GRIA3: variants seen among roughly 807,000 people sequenced by gnomAD.
The protein encoded by GRIA3 is glutamate ionotropic receptor AMPA type subunit 3, also known as glutamate receptor 3.
In GRIA3, 3 loss-of-function variants were observed where a neutral mutation model predicts 63.0. The observed-to-expected ratio is 0.05, with a 90% CI of 0.02 to 0.12. GRIA3 has a LOEUF of 0.12. Among genes scored for constraint, GRIA3 ranks in the 10% least tolerant of loss-of-function variants. The pLI, the probability that GRIA3 is intolerant of heterozygous loss-of-function variation, is 1.00. For synonymous variants in GRIA3, 274 were observed against 257.9 expected (o/e 1.06, Z -0.60); for missense variants, 347 against 700.9 (o/e 0.50, Z 5.70).
intron 5 of GRIA3, among the ~76,000 whole-genome samples, chrX:123,356,522 GA>G (rs915108021): frequency 9.0e-6 from 1 of 111,462 alleles, no homozygotes; most frequent in Non-Finnish European, 1.9e-5. Flanking sequence ...CTATGTATTA[GA>G]AAAATATAAA....
intron 3 of GRIA3, among the ~76,000 whole-genome samples, chrX:123,316,488 A>T (rs765169800): frequency 1.8e-5 from 2 of 112,171 alleles, no homozygotes; most frequent in Non-Finnish European, 3.8e-5. Context: ...ATGTATCAAG[A>T]GCCTTAAACA....
chrX:123,302,689 G>GTC (rs1569416685), intron 3 of GRIA3, among the ~76,000 whole-genome samples: 2 of 111,234 alleles, frequency 1.8e-5, no homozygotes, highest in Admixed American at 9.6e-5. Context: ...TTACTCTATC[G>GTC]TCTACACAGA....
At chrX:123,261,100 CACTT>C (rs889559016) in intron 3 of GRIA3, among the ~76,000 whole-genome samples, 4 of 111,778 alleles carry the variant, frequency 3.6e-5, no homozygotes, top group Non-Finnish European at 5.6e-5. Flanking sequence ...ATCATTTAAA[CACTT>C]ACTCTCCACA....
intron 3 of GRIA3, among the ~76,000 whole-genome samples, chrX:123,316,853 ATACTTTTAC>A (rs1257029795): frequency 8.9e-6 from 1 of 112,227 alleles, no homozygotes; most frequent in Non-Finnish European, 1.9e-5. Context: ...TTATAATACT[ATACTTTTAC>A]TGTGTCTTTT....
At chrX:123,350,382 G>A (rs1291836840) in intron 4 of GRIA3, among the ~76,000 whole-genome samples, 1 of 110,574 alleles carries the variant, frequency 9.0e-6, no homozygotes, top group Non-Finnish European at 1.9e-5. Context: ...TGGATCTAAG[G>A]GGGAAAAAAA....
At chrX:123,378,353 T>C (rs1249008329) in intron 5 of GRIA3, among the ~76,000 whole-genome samples, 1 of 110,964 alleles carries the variant, frequency 9.0e-6, no homozygotes, top group East Asian at 2.8e-4. Flanking sequence ...TATTCATTTT[T>C]GTAGTGCTAG....
intron 2 of GRIA3, among the ~76,000 whole-genome samples, chrX:123,232,903 A>C (rs940827239): frequency 2.7e-5 from 3 of 111,011 alleles, no homozygotes; most frequent in Non-Finnish European, 5.7e-5. Context: ...GAGCCTTTGA[A>C]AAATTAAACA....
At chrX:123,308,822 G>A (rs945696472) in intron 3 of GRIA3, among the ~76,000 whole-genome samples, 2 of 112,310 alleles carry the variant, frequency 1.8e-5, no homozygotes, top group African/African-American at 6.5e-5. Context: ...TTGAGACAAC[G>A]GAAGCAGCTA....
chrX:123,413,149 G>A (rs887297050), intron 10 of GRIA3, among the ~76,000 whole-genome samples: 2 of 111,362 alleles, frequency 1.8e-5, no homozygotes, highest in Middle Eastern at 4.6e-3. Context: ...TGCTTACCAT[G>A]TAGTAGGTGT....
intron 3 of GRIA3, among the ~76,000 whole-genome samples, chrX:123,309,161 G>A (rs1267456773): frequency 9.0e-6 from 1 of 111,507 alleles, no homozygotes; most frequent in Non-Finnish European, 1.9e-5. Context: ...GAGGCAGGTG[G>A]ATCACTTGAG....
intron 3 of GRIA3, among the ~76,000 whole-genome samples, chrX:123,310,773 C>T (rs938700502): frequency 1.8e-5 from 2 of 112,132 alleles, no homozygotes; most frequent in Non-Finnish European, 3.8e-5. Context: ...GAGGCCAAGG[C>T]GGGCGGATCA....
Position 123,428,089 on chromosome X carries a change from GA to G in GRIA3, c.2029del (p.Ile677LeufsTer30). On this transcript the variant is annotated frameshift_variant, in exon 12 of 16. Coordinates refer to ENST00000620443, the MANE Select transcript of GRIA3 (RefSeq NM_007325.5). LOFTEE classifies it high-confidence loss of function. The stretch of plus-strand genomic sequence containing the variant: ...TGCTGAAGACTTAGCTAAACAGACT[GA>G]AATTGCATATGGGACCCTGGACTCC... ...ESAEDLAKQTEIAYGTLDSGS... is the reference protein window; with the variant it reads ...ESAEDLAKQTXIAYGTLDSGS... 8.3e-7 allele frequency: 1 copy of G among 1,206,218 alleles called. No individual in the cohort carries two copies. The highest frequency in any genetic ancestry group is 1.8e-5 in the South Asian group (1 of 56,845).
At chrX:123,238,744 C>CTT (rs77919081) in intron 2 of GRIA3, among the ~76,000 whole-genome samples, 1 of 108,436 alleles carries the variant, frequency 9.2e-6, no homozygotes, top group Non-Finnish European at 1.9e-5. Flanking sequence ...TTCCTTTATT[C>CTT]TTTTTTTTTC....
intron 15 of GRIA3, among the ~76,000 whole-genome samples, chrX:123,488,200 C>G (rs765847995): frequency 7.4e-4 from 83 of 112,478 alleles, no homozygotes; most frequent in African/African-American, 2.6e-3. Flanking sequence ...AATCTGCTGT[C>G]TCTTTAAAGT....
intron 10 of GRIA3, among the ~76,000 whole-genome samples, chrX:123,407,696 G>GAGA (rs1556314624): frequency 1.1e-5 from 1 of 87,630 alleles, no homozygotes; most frequent in African/African-American, 4.2e-5. Flanking sequence ...GGTTGCGGGG[G>GAGA]GGGGGGGGAC....
intron 12 of GRIA3, among the ~76,000 whole-genome samples, chrX:123,452,692 T>C (rs1276412224): frequency 8.9e-6 from 1 of 112,036 alleles, no homozygotes; most frequent in Non-Finnish European, 1.9e-5. Flanking sequence ...TTTAATCCAA[T>C]TGGTCAATGG....
intron 5 of GRIA3, among the ~76,000 whole-genome samples, chrX:123,365,248 T>C (rs1211253911): frequency 1.8e-5 from 2 of 111,230 alleles, no homozygotes; most frequent in East Asian, 5.6e-4. Context: ...TCAATCACAA[T>C]AATATTAATA....
intron 12 of GRIA3, among the ~76,000 whole-genome samples, chrX:123,453,286 A>C (rs780940188): frequency 1.9e-4 from 21 of 111,050 alleles, no homozygotes; most frequent in African/African-American, 4.9e-4. Flanking sequence ...CAAACTATCA[A>C]AAGGACAGAA....
chrX:123,264,763 G>C (rs2044478459), intron 3 of GRIA3, among the ~76,000 whole-genome samples: 1 of 112,139 alleles, frequency 8.9e-6, no homozygotes, highest in Non-Finnish European at 1.9e-5. Flanking sequence ...CCAAGGTTGG[G>C]ACGGGGTGGA....
Sources: allele counts gnomAD v4.1 joint callset (sites outside exome capture counted in the v4.1 genomes callset), GRCh38; gene constraint gnomAD v4.1.1; transcripts MANE v1.5; gene names NCBI Gene and HGNC (gene_info 2026-07-23, HGNC 2026-07-21).